The following TCF4 variants were observed in gnomAD, a reference collection of about 807,000 sequenced individuals.
TCF4 encodes transcription factor 4, also known as SL3-3 enhancer factor 2.
A neutral mutation model predicts 82.1 loss-of-function variants in TCF4; 3 were observed. The ratio of observed to expected loss-of-function variants is 0.04; its 90% CI spans 0.02 to 0.09. The LOEUF (loss-of-function observed/expected upper bound fraction) is 0.09. TCF4 is among the 10% of genes least tolerant of loss of function. TCF4 has a pLI of 1.00. For missense variants in TCF4, 518 were observed against 852.7 expected (o/e 0.61, Z 4.89); for synonymous variants, 276 against 309.6 (o/e 0.89, Z 1.14).
At chr18:55,464,808 T>C (rs2095972716) in intron 3 of TCF4, among the ~76,000 whole-genome samples, 1 of 152,168 alleles carries the variant, frequency 6.6e-6, no homozygotes, top group African/African-American at 2.4e-5. Flanking sequence ...GGTTATTCCA[T>C]TATAAAGCAA....
intron 8 of TCF4, among the ~76,000 whole-genome samples, chr18:55,339,996 C>T (rs545090639): frequency 2.0e-5 from 3 of 152,170 alleles, no homozygotes; most frequent in Middle Eastern, 3.2e-3. Context: ...CCACACAGGT[C>T]TACCTAGTCC....
At chr18:55,274,699 C>T (rs141879857) in intron 10 of TCF4, among the ~76,000 whole-genome samples, 5 of 152,244 alleles carry the variant, frequency 3.3e-5, no homozygotes, top group East Asian at 3.9e-4. Context: ...CATATGCTTT[C>T]GCATTTGTAG....
At chr18:55,519,162 C>A (rs2096911041) in intron 3 of TCF4, 1 of 152,178 alleles carries the variant, frequency 6.6e-6, no homozygotes. Context: ...GCCAGGCGTG[C>A]TGGCTCATGC....
At chr18:55,236,740 G>A (rs926927491) in intron 15 of TCF4, among the ~76,000 whole-genome samples, 2 of 152,178 alleles carry the variant, frequency 1.3e-5, no homozygotes, top group East Asian at 1.9e-4. Context: ...TACAGGCCTT[G>A]ATCAAATGGT....
intron 6 of TCF4, among the ~76,000 whole-genome samples, chr18:55,365,859 T>C (rs1035941471): frequency 1.3e-5 from 2 of 152,038 alleles, no homozygotes; most frequent in Non-Finnish European, 2.9e-5. Flanking sequence ...GCCATTGCAC[T>C]CCAGCCTGGA....
At chr18:55,243,796 G>T (rs1359551445) in intron 15 of TCF4, among the ~76,000 whole-genome samples, 1 of 152,068 alleles carries the variant, frequency 6.6e-6, no homozygotes, top group Admixed American at 6.5e-5. Context: ...TGGAGAACAG[G>T]TAATAGACCA....
At chr18:55,566,532 G>T (rs1024287937) in intron 3 of TCF4, among the ~76,000 whole-genome samples, 48 of 152,214 alleles carry the variant, frequency 3.2e-4, no homozygotes, top group African/African-American at 1.2e-3. Context: ...TTAAAAATTA[G>T]TAGGCATAAT....
At chr18:55,454,884 A>C (rs1391910209) in intron 5 of TCF4, among the ~76,000 whole-genome samples, 2 of 152,188 alleles carry the variant, frequency 1.3e-5, no homozygotes, top group East Asian at 3.9e-4. Flanking sequence ...GTAGCAAAAC[A>C]GAATAGAAAA....
At chr18:55,280,112 G>A (rs1045351791) in intron 8 of TCF4, among the ~76,000 whole-genome samples, 2 of 152,188 alleles carry the variant, frequency 1.3e-5, no homozygotes, top group East Asian at 3.9e-4. Flanking sequence ...AGGTAGGGAG[G>A]GGGGAGACAG....
intron 8 of TCF4, among the ~76,000 whole-genome samples, chr18:55,286,305 C>CT (rs796742040): frequency 1.3e-3 from 181 of 141,452 alleles, no homozygotes; most frequent in African/African-American, 2.0e-3. Flanking sequence ...CTTTTTCTAC[C>CT]TTTTTTTTTT....
At chr18:55,418,031 G>A (rs2094583501) in intron 5 of TCF4, among the ~76,000 whole-genome samples, 1 of 150,754 alleles carries the variant, frequency 6.6e-6, no homozygotes, top group Non-Finnish European at 1.5e-5. Flanking sequence ...GTGTGTGTGT[G>A]TGTGTGTGTG....
At chr18:55,527,199 C>T (rs1440642735) in intron 3 of TCF4, among the ~76,000 whole-genome samples, 3 of 152,196 alleles carry the variant, frequency 2.0e-5, no homozygotes, top group Non-Finnish European at 4.4e-5. Flanking sequence ...CTTAAGGCAA[C>T]ACTGACCCCA....
chr18:55,543,851 A>G (rs929802255), intron 3 of TCF4, among the ~76,000 whole-genome samples: 1 of 152,212 alleles, frequency 6.6e-6, no homozygotes, highest in Non-Finnish European at 1.5e-5. Context: ...ACTGAAAAAC[A>G]GATATGTATG....
chr18:55,474,617 A>G (rs2096252216), intron 3 of TCF4, among the ~76,000 whole-genome samples: 1 of 152,214 alleles, frequency 6.6e-6, no homozygotes, highest in South Asian at 2.1e-4. Flanking sequence ...GACCACCCAA[A>G]TACTCCAAGG....
intron 8 of TCF4, among the ~76,000 whole-genome samples, chr18:55,343,555 G>A (rs2080488199): frequency 6.6e-6 from 1 of 152,116 alleles, no homozygotes; most frequent in African/African-American, 2.4e-5. Flanking sequence ...TCTTTCAGAA[G>A]TGAAATCTAT....
chr18:55,303,844 A>T lies in TCF4; in HGVS notation c.550-24188T>A, dbSNP rs532336509. Among the ~76,000 whole-genome samples, 7 of 152,340 alleles carry T rather than the reference A, an allele frequency of 4.6e-5. No homozygotes were observed. The South Asian group carries it at 1.2e-3, about 27-fold the overall frequency. The stretch of plus-strand genomic sequence containing the variant: ...TCCTTGAAAACACCATCACTGATTT[A>T]AAATCAATTTGAAATAGTGAAATAG... On this transcript the variant is annotated intron_variant, in intron 8 of 19. Coordinates refer to ENST00000354452, the MANE Select transcript of TCF4 (RefSeq NM_001083962.2).
chr18:55,399,912 AC>A (rs1329221069), intron 6 of TCF4, among the ~76,000 whole-genome samples: 6 of 150,482 alleles, frequency 4.0e-5, no homozygotes, highest in Admixed American at 6.6e-5. Flanking sequence ...ACACACACAC[AC>A]ACACACACAC....
intron 5 of TCF4, among the ~76,000 whole-genome samples, chr18:55,424,890 G>A (rs1042432924): frequency 6.6e-5 from 10 of 152,248 alleles, no homozygotes; most frequent in South Asian, 6.2e-4. Context: ...GAATGTTCTC[G>A]ACAATTTATA....
At chr18:55,470,621 A>G (rs773995681) in intron 3 of TCF4, among the ~76,000 whole-genome samples, 1 of 152,208 alleles carries the variant, frequency 6.6e-6, no homozygotes, top group Non-Finnish European at 1.5e-5. Context: ...ATAAACAAGT[A>G]TGAAAGTTAC....
Sources: gnomAD v4.1 joint callset for allele counts (sites outside exome capture counted in the v4.1 genomes callset) on GRCh38, gnomAD v4.1.1 for gene constraint, MANE v1.5 for transcripts, NCBI Gene and HGNC (gene_info 2026-07-23, HGNC 2026-07-21) for gene names.